The following RUSC2 variants were observed in gnomAD, a reference collection of about 807,000 sequenced individuals.
RUSC2 encodes AP-4 complex accessory subunit RUSC2.
Under a neutral mutation model 122.2 loss-of-function variants are expected in RUSC2, and 34 were observed. That is an observed-to-expected ratio of 0.28 (90% confidence interval 0.21 to 0.37). The LOEUF (loss-of-function observed/expected upper bound fraction) is 0.37. RUSC2 is among the 10% of genes least tolerant of loss of function. RUSC2 has a pLI of 1.00. For synonymous variants in RUSC2, 784 were observed against 790.0 expected, an observed-to-expected ratio of 0.99 and a Z score of 0.13; for missense variants, 1,747 against 1,952.4, an observed-to-expected ratio of 0.89 and a Z score of 1.98.
At chr9:35,528,160 A>C (rs1821356057) in intron 1 of RUSC2, among the ~76,000 whole-genome samples, 3 of 152,194 alleles carry the variant, frequency 2.0e-5, no homozygotes, top group Admixed American at 1.3e-4. Flanking sequence ...CTGAGGCAGG[A>C]GGATTCCTTG....
intron 1 of RUSC2, among the ~76,000 whole-genome samples, chr9:35,524,286 G>T (rs1821278418): frequency 6.6e-6 from 1 of 152,190 alleles, no homozygotes; most frequent in Admixed American, 6.5e-5. Flanking sequence ...GGGCAACAGG[G>T]TGTGACTCTG....
intron 2 of RUSC2, among the ~76,000 whole-genome samples, chr9:35,550,415 C>A (rs991039186): frequency 2.6e-5 from 4 of 151,774 alleles, no homozygotes; most frequent in African/African-American, 7.3e-5. Context: ...CACCTGAGTT[C>A]GGGAGTTCAA....
At chr9:35,542,303 A>G (rs1821657018) in intron 1 of RUSC2, among the ~76,000 whole-genome samples, 1 of 152,254 alleles carries the variant, frequency 6.6e-6, no homozygotes, top group Non-Finnish European at 1.5e-5. Flanking sequence ...TGTAAAAGCT[A>G]CAACTATACA....
At chr9:35,509,416 CAGTG>C (rs1202315777) in intron 1 of RUSC2, among the ~76,000 whole-genome samples, 1 of 152,186 alleles carries the variant, frequency 6.6e-6, no homozygotes, top group African/African-American at 2.4e-5. Flanking sequence ...GTTCTGGTGA[CAGTG>C]AGCAATTCAA....
chr9:35,514,532 G>C (rs1052375140), intron 1 of RUSC2, among the ~76,000 whole-genome samples: 1 of 152,170 alleles, frequency 6.6e-6, no homozygotes, highest in African/African-American at 2.4e-5. Context: ...GGGAAACCAG[G>C]TTAGAGGTTG....
At chr9:35,518,250 C>T (rs558639759) in intron 1 of RUSC2, among the ~76,000 whole-genome samples, 1 of 152,316 alleles carries the variant, frequency 6.6e-6, no homozygotes, top group East Asian at 1.9e-4. Context: ...ATTAACATGT[C>T]GTGTCACTGA....
At chr9:35,527,507 T>G (rs1259816693) in intron 1 of RUSC2, among the ~76,000 whole-genome samples, 1 of 152,160 alleles carries the variant, frequency 6.6e-6, no homozygotes. Flanking sequence ...TCTGAACATA[T>G]TTCGTTCTTT....
intron 2 of RUSC2, among the ~76,000 whole-genome samples, chr9:35,553,679 T>C (rs1821947189): frequency 6.6e-6 from 1 of 152,198 alleles, no homozygotes; most frequent in Admixed American, 6.5e-5. Context: ...TTCATGCATC[T>C]GGTGTGTTTA....
At chr9:35,496,222 C>A (rs924441793) in intron 1 of RUSC2, among the ~76,000 whole-genome samples, 2 of 152,104 alleles carry the variant, frequency 1.3e-5, no homozygotes, top group Non-Finnish European at 2.9e-5. Flanking sequence ...AAACTTCAAT[C>A]GAGCGGGTTC....
At chr9:35,535,738 C>T (rs534470318) in intron 1 of RUSC2, among the ~76,000 whole-genome samples, 24 of 151,962 alleles carry the variant, frequency 1.6e-4, no homozygotes, top group East Asian at 7.8e-4. Flanking sequence ...GACGGAGTTT[C>T]ACTGTGTTAG....
At chr9:35,525,405 C>T (rs1024332377) in intron 1 of RUSC2, among the ~76,000 whole-genome samples, 2 of 152,154 alleles carry the variant, frequency 1.3e-5, no homozygotes, top group Admixed American at 1.3e-4. Context: ...GAGCAGGAGA[C>T]CAGTGGTCTC....
intron 1 of RUSC2, among the ~76,000 whole-genome samples, chr9:35,544,873 T>C (rs924403572): frequency 6.6e-5 from 10 of 152,308 alleles, no homozygotes; most frequent in African/African-American, 2.2e-4. Flanking sequence ...TGTTTTCTTC[T>C]GTAACCCTTA....
rs775019533 is a variant in RUSC2 at position 35,547,549 on chromosome 9, G to A, written c.1028G>A (p.Gly343Glu). Residue 343 changes from glycine to glutamate, a missense_variant, in exon 2 of 12, where the codon GGA becomes GAA. Physicochemically the swap from Gly to Glu is moderately conservative, Grantham distance 98. Transcript: ENST00000361226. The surrounding 1 kb of genome is among the most constrained non-coding windows in gnomAD (Gnocchi z 4.6). ...TATGAGTCCCATCACCCTGAAAGTGGAGGAAGGGAAGGGGGCTATGGTTGC... is the reference window on the plus strand; with the variant it reads ...TATGAGTCCCATCACCCTGAAAGTGAAGGAAGGGAAGGGGGCTATGGTTGC... ...MSYESHHPES[G>E]GREGGYGCPH... 1.2e-6 allele frequency: 2 copies of A among 1,614,170 alleles called. No homozygotes were observed. Among genetic ancestry groups the A allele is most frequent in the Non-Finnish European group, 8.5e-7 (1 of 1,180,032 alleles).
chr9:35,501,562 G>A (rs1820817361), intron 1 of RUSC2, among the ~76,000 whole-genome samples: 1 of 152,168 alleles, frequency 6.6e-6, no homozygotes, highest in Non-Finnish European at 1.5e-5. Flanking sequence ...GGGTGACAGA[G>A]TGAGGCTCCA....
At chr9:35,492,013 G>A (rs1450854530) in intron 1 of RUSC2, among the ~76,000 whole-genome samples, 2 of 152,040 alleles carry the variant, frequency 1.3e-5, no homozygotes, top group East Asian at 3.9e-4. Flanking sequence ...TGTGGGGAGG[G>A]GCTCCTGATC....
Position 35,558,528 on chromosome 9 carries a change from A to G in RUSC2, c.3302A>G (p.His1101Arg). The G allele has an allele frequency of 1.2e-6, 2 of 1,614,176 alleles. No individual in the cohort carries two copies. The highest frequency in any genetic ancestry group is 1.7e-6 in the Non-Finnish European group (2 of 1,180,028). ...AGCCAATTCCCAGAGCTCACCAGTC[A>G]TACCATGCGCTTCAACGCCTTCATC... is the stretch of plus-strand genomic sequence containing the variant. ...KVSQFPELTS[H>R]TMRFNAFILG... The change falls in exon 8 of 12, where the codon CAT (histidine) becomes CGT (arginine). Residue 1101 changes from histidine to arginine, a missense_variant. By Grantham distance (29) the His-to-Arg change is conservative. Coordinates refer to ENST00000361226, the MANE Select transcript of RUSC2 (RefSeq NM_014806.5). This position sits in a 1 kb window ranked among gnomAD's most constrained non-coding sequence, Gnocchi z 4.3.
At chr9:35,523,653 A>G (rs1821261657) in intron 1 of RUSC2, among the ~76,000 whole-genome samples, 1 of 151,782 alleles carries the variant, frequency 6.6e-6, no homozygotes, top group South Asian at 2.1e-4. Flanking sequence ...TGTCTCTACA[A>G]AAAATACAAA....
intron 1 of RUSC2, among the ~76,000 whole-genome samples, chr9:35,531,669 A>G (rs186927579): frequency 5.9e-5 from 9 of 152,368 alleles, no homozygotes; most frequent in African/African-American, 2.2e-4. Context: ...GAGAGTGGTT[A>G]TATGGATTAA....
intron 11 of RUSC2, 29 bp downstream of exon 11, chr9:35,561,126 G>T: frequency 1.2e-6 from 2 of 1,613,500 alleles, no homozygotes; most frequent in Middle Eastern, 1.7e-4. Context: ...AAGGGCTGAG[G>T]GGGGCGGGGG....
Sources: allele counts gnomAD v4.1 joint callset (sites outside exome capture counted in the v4.1 genomes callset), GRCh38; gene constraint gnomAD v4.1.1; non-coding constraint Gnocchi (gnomAD v3.1); transcripts MANE v1.5; gene names NCBI Gene and HGNC (gene_info 2026-07-23, HGNC 2026-07-21).